WDR59: variants seen among roughly 807,000 people sequenced by gnomAD.
WDR59 encodes the protein WD repeat domain 59, also known as GATOR2 complex protein WDR59.
A neutral mutation model predicts 131.2 loss-of-function variants in WDR59; 100 were observed. That is an observed-to-expected ratio of 0.76 (90% CI 0.65 to 0.90). The LOEUF is 0.90. Among genes scored for constraint, WDR59 ranks in the 40% least tolerant of loss-of-function variants. WDR59 has a pLI of 0.00. For missense variants in WDR59, 1,203 were observed against 1,262.2 expected, an observed-to-expected ratio of 0.95 and a Z score of 0.71; for synonymous variants, 601 against 466.2, an observed-to-expected ratio of 1.29 and a Z score of -3.72.
At chr16:74,916,306 T>G (rs538257581) in intron 11 of WDR59, 47 bp from the exon 12 acceptor site, 5 of 1,610,448 alleles carry the variant, frequency 3.1e-6, no homozygotes, top group South Asian at 1.1e-5. Flanking sequence ...TCCGTGGAAA[T>G]GATTGTCATG....
chr16:74,957,205 C>T (rs1455776131), intron 2 of WDR59, among the ~76,000 whole-genome samples: 2 of 151,644 alleles, frequency 1.3e-5, no homozygotes, highest in South Asian at 2.1e-4. Context: ...CTCAGCCTTC[C>T]GGGTAGCTGG....
intron 25 of WDR59, among the ~76,000 whole-genome samples, chr16:74,879,137 G>C (rs1964357574): frequency 7.2e-5 from 11 of 152,138 alleles, no homozygotes; most frequent in Admixed American, 5.9e-4. Flanking sequence ...GGTATCGCTT[G>C]AGCCCAGGAG....
At position 74,912,313 on chromosome 16, in the gene WDR59, T is replaced by C. The variant is rs1567712417; in HGVS notation, c.1274A>G (p.His425Arg). 6.2e-7 allele frequency: 1 copy of C among 1,614,160 alleles called. No individual in the cohort carries two copies. Among genetic ancestry groups the C allele is most frequent in the Non-Finnish European group, 8.5e-7 (1 of 1,180,030 alleles). The change falls in exon 14 of 26, where the codon CAT (histidine) becomes CGT (arginine). Residue 425 changes from histidine to arginine, a missense_variant. Transcript: ENST00000262144. The part of the protein sequence containing the change: ...SCTVSVHCSN[H>R]RVKMLVKFPA... The stretch of plus-strand genomic sequence containing the variant: ...GAACTTCACCAGCATCTTGACACGA[T>C]GGTTGCTGCAGTGCACAGACACTGT...
intron 10 of WDR59, among the ~76,000 whole-genome samples, chr16:74,919,777 C>A (rs1053311603): frequency 2.0e-5 from 3 of 152,198 alleles, no homozygotes; most frequent in Admixed American, 6.5e-5. Flanking sequence ...TCCTTGTCCC[C>A]TGGCCACAAT....
intron 1 of WDR59, among the ~76,000 whole-genome samples, chr16:74,968,169 GCTC>G (rs1248623229): frequency 6.6e-6 from 1 of 152,146 alleles, no homozygotes; most frequent in Non-Finnish European, 1.5e-5. Context: ...TGGGTACAGA[GCTC>G]CTATTTGGGA....
In WDR59 at chr16:74,871,723, A is replaced by T. The variant is rs1204291153; in HGVS notation, c.*2486T>A. 3 of 152,248 alleles carry T rather than the reference A, an allele frequency of 2.0e-5. No homozygotes were observed. Among genetic ancestry groups the T allele is most frequent in the Non-Finnish European group, 4.4e-5 (3 of 68,048 alleles). 9.4% of individuals were successfully genotyped at this position (152,248 alleles called of 1,614,324 possible). A position where few individuals can be genotyped will look rare whatever the true frequency, so the allele number is the denominator to read the frequency against. ...ATGGTGTGATTTCACTGAGGAACAC[A>T]ACAGATCCTTTCTCTCTGTGTAAAT... On this transcript the variant is annotated 3_prime_UTR_variant, in exon 26 of 26. Transcript: ENST00000262144.
chr16:74,969,973 G>C (rs1037384011), intron 1 of WDR59, among the ~76,000 whole-genome samples: 1 of 151,926 alleles, frequency 6.6e-6, no homozygotes, highest in African/African-American at 2.4e-5. Flanking sequence ...GCCCAGACTG[G>C]AGTGCAGTGG....
At chr16:74,888,414 G>A (rs1002173273) in intron 21 of WDR59, 95 bp from the exon 22 acceptor site, 183 of 1,301,352 alleles carry the variant, frequency 1.4e-4, no homozygotes, top group Non-Finnish European at 1.7e-4. Flanking sequence ...ACAGGGGTGG[G>A]AAGGGAGGAG....
At chr16:74,943,012 T>G (rs1454489218) in intron 6 of WDR59, among the ~76,000 whole-genome samples, 186 bp from the exon 7 acceptor site, 1 of 152,084 alleles carries the variant, frequency 6.6e-6, no homozygotes, top group Admixed American at 6.6e-5. Flanking sequence ...AATTAACACA[T>G]GGGAACAGGA....
At chr16:74,953,587 CA>C (rs765168819) in intron 3 of WDR59, among the ~76,000 whole-genome samples, 1 of 151,634 alleles carries the variant, frequency 6.6e-6, no homozygotes, top group Non-Finnish European at 1.5e-5. Flanking sequence ...TGCAGAAAGA[CA>C]ATCAACAAAA....
At chr16:74,879,652 T>C (rs1964385807) in intron 25 of WDR59, among the ~76,000 whole-genome samples, 1 of 152,124 alleles carries the variant, frequency 6.6e-6, no homozygotes, top group Non-Finnish European at 1.5e-5. Context: ...ACACGTTATA[T>C]ACATTGAAAT....
intron 24 of WDR59, 78 bp downstream of exon 24, chr16:74,886,192 T>TAAAAAAAAAAAAAAAAAC (rs1567687441): frequency 3.5e-6 from 4 of 1,152,280 alleles, no homozygotes; most frequent in African/African-American, 3.3e-5. Flanking sequence ...AAAAAAAAAG[T>TAAAAAAAAAAAAAAAAAC]AAGAGTTGTG....
At chr16:74,956,936 T>G (rs2033320518) in intron 2 of WDR59, among the ~76,000 whole-genome samples, 1 of 152,168 alleles carries the variant, frequency 6.6e-6, no homozygotes, top group Non-Finnish European at 1.5e-5. Flanking sequence ...AATTACTGAA[T>G]TAATTAATTC....
chr16:74,924,322 T>C (rs1194762392), intron 8 of WDR59, among the ~76,000 whole-genome samples: 1 of 152,242 alleles, frequency 6.6e-6, no homozygotes, highest in African/African-American at 2.4e-5. Context: ...GTATCACGTT[T>C]ACATCTTGCA....
chr16:74,916,115 T>C lies in WDR59; in HGVS notation c.1099+12A>G, dbSNP rs770370375. The C allele has an allele frequency of 6.2e-7, 1 of 1,614,196 alleles. No individual in the cohort carries two copies. Among genetic ancestry groups the C allele is most frequent in the East Asian group, 2.2e-5 (1 of 44,892 alleles). On this transcript the variant is annotated intron_variant, in intron 12 of 25. Coordinates refer to ENST00000262144, the MANE Select transcript of WDR59 (RefSeq NM_030581.4). ...GTGGCACCTTACCTGAGACATCAGT[T>C]TGACAAATTACCTTCTTCCTCCCCA...
In WDR59 at chr16:74,921,965, A is replaced by C; in HGVS notation, c.868T>G (p.Trp290Gly). ...CACTCACCTTCCTTCTGCTTCCTCC[A>C]CTGGAACTCCAGGACCACATCATCA... ...GHDDVVLEFQ[W>G]RKQKEGSKDY... The change falls in exon 10 of 26, where the codon TGG (tryptophan) becomes GGG (glycine). Residue 290 changes from tryptophan to glycine, a missense_variant. Transcript: ENST00000262144. 6.2e-7 allele frequency: 1 copy of C among 1,614,014 alleles called. No individual in the cohort carries two copies.
chr16:74,961,874 T>C (rs2033581639), intron 2 of WDR59, among the ~76,000 whole-genome samples: 1 of 152,192 alleles, frequency 6.6e-6, no homozygotes, highest in African/African-American at 2.4e-5. Context: ...CATGCCTATG[T>C]CCTGAATGGT....
At position 74,956,382 on chromosome 16, in the gene WDR59, G is replaced by C. The variant is rs2033289921; in HGVS notation, c.240+93C>G. 1.0e-5 allele frequency: 15 copies of C among 1,468,968 alleles called. No individual in the cohort carries two copies. In the South Asian group the frequency reaches 2.1e-4, roughly 21 times the overall value. The allele number at this position is 1,468,968 out of a possible 1,614,324, so 91.0% of individuals were successfully genotyped here. A position where few individuals can be genotyped will look rare whatever the true frequency, so the allele number is the denominator to read the frequency against. On this transcript the variant is annotated intron_variant, in intron 3 of 25. Transcript: ENST00000262144. ...AACCTCTTTTCCAAATGAGCAATGA[G>C]GACTGCATTCTCTTCTCTACACAGG...
intron 2 of WDR59, among the ~76,000 whole-genome samples, chr16:74,965,275 A>C (rs1597806403): frequency 7.0e-6 from 1 of 142,652 alleles, no homozygotes; most frequent in African/African-American, 2.7e-5. Context: ...CCAGTCTTAA[A>C]AATTTTGAGC....
Sources: gnomAD v4.1 joint callset for allele counts (sites outside exome capture counted in the v4.1 genomes callset) on GRCh38, gnomAD v4.1.1 for gene constraint, MANE v1.5 for transcripts, NCBI Gene and HGNC (gene_info 2026-07-23, HGNC 2026-07-21) for gene names.